The following LUZP2 variants were observed in gnomAD, a reference collection of about 807,000 sequenced individuals.
The protein encoded by LUZP2 is leucine zipper protein 2.
Under a neutral mutation model 51.6 loss-of-function variants are expected in LUZP2, and 52 were observed. The ratio of observed to expected loss-of-function variants is 1.01; its 90% CI spans 0.81 to 1.27. LUZP2 has a LOEUF of 1.27. Among genes scored for constraint, LUZP2 ranks in the 50% most tolerant of loss-of-function variants. The probability of loss-of-function intolerance (pLI) is 0.00; values close to 1 mark genes in which losing one functional copy is unlikely to be tolerated. For synonymous variants in LUZP2, 154 were observed against 137.3 expected (o/e 1.12, Z -0.85); for missense variants, 436 against 395.4 (o/e 1.10, Z -0.87).
At chr11:24,710,476 T>G (rs895475759) in intron 1 of LUZP2, among the ~76,000 whole-genome samples, 21 of 152,306 alleles carry the variant, frequency 1.4e-4, no homozygotes, top group Non-Finnish European at 2.6e-4. Flanking sequence ...GGTTTCTGTA[T>G]AGATACATGA....
intron 9 of LUZP2, among the ~76,000 whole-genome samples, chr11:25,024,301 A>G (rs983986600): frequency 1.5e-4 from 23 of 152,148 alleles, no homozygotes; most frequent in Non-Finnish European, 2.9e-4. Context: ...GGCCAGGGCA[A>G]TCAGGCAAGA....
intron 5 of LUZP2, among the ~76,000 whole-genome samples, chr11:24,814,991 C>CAAA (rs61229028): frequency 3.7e-5 from 3 of 80,060 alleles, no homozygotes; most frequent in Non-Finnish European, 7.9e-5. Flanking sequence ...GACTCCGTCT[C>CAAA]AAAAAAAAAA....
rs1158935544 is a variant in LUZP2, at chr11:24,826,190, A to AATATATATATATATAT, written c.396+62886_396+62901dup. On this transcript the variant is annotated intron_variant, in intron 5 of 11. Transcript: ENST00000336930. Reference sequence around the variant, plus strand: ...GACTCCATCTCAAAAAAAAAAAAAAAATATATATATATATATATAGTAAAA... The same window carrying AATATATATATATATAT: ...GACTCCATCTCAAAAAAAAAAAAAAAATATATATATATATATATATATATATATATATATAGTAAAA... Among the ~76,000 whole-genome samples, 79 of 67,518 alleles carry AATATATATATATATAT rather than the reference A, an allele frequency of 1.2e-3. 1 individual carries two copies. The highest frequency in any genetic ancestry group is 9.0e-3 in the East Asian group (16 of 1,774). 44.3% of individuals were successfully genotyped at this position (67,518 alleles called of 152,430 possible).
chr11:24,880,928 A>C (rs1486685), intron 5 of LUZP2, among the ~76,000 whole-genome samples: 73,930 of 151,984 alleles, frequency 0.49, 18,447 homozygotes, highest in East Asian at 0.69. Flanking sequence ...TATCTGTACT[A>C]TGGAAAGCAC....
At chr11:24,497,580 G>A (rs935349723) in intron 1 of LUZP2, among the ~76,000 whole-genome samples, 2 of 152,156 alleles carry the variant, frequency 1.3e-5, no homozygotes, top group Non-Finnish European at 2.9e-5. Flanking sequence ...TTTACCCTCC[G>A]GTCCTATTAG....
At chr11:24,879,934 A>G (rs1244385139) in intron 5 of LUZP2, among the ~76,000 whole-genome samples, 2 of 152,150 alleles carry the variant, frequency 1.3e-5, no homozygotes, top group Non-Finnish European at 2.9e-5. Flanking sequence ...GAGGAATGGC[A>G]CAAGCACTTT....
chr11:24,664,631 G>A (rs879780692), intron 1 of LUZP2, among the ~76,000 whole-genome samples: 1 of 152,160 alleles, frequency 6.6e-6, no homozygotes, highest in Non-Finnish European at 1.5e-5. Flanking sequence ...TCTGGACATG[G>A]TGCCCTGAAT....
chr11:24,895,701 G>T (rs1163749714), intron 5 of LUZP2, among the ~76,000 whole-genome samples: 1 of 152,150 alleles, frequency 6.6e-6, no homozygotes, highest in African/African-American at 2.4e-5. Context: ...CTTCTTTTTA[G>T]GGTTGCATAG....
chr11:24,582,721 T>C (rs538758328), intron 1 of LUZP2, among the ~76,000 whole-genome samples: 1 of 152,078 alleles, frequency 6.6e-6, no homozygotes, highest in East Asian at 1.9e-4. Context: ...CTAGAAGAAA[T>C]GTGTGCCTGG....
chr11:24,904,051 A>G (rs1565085179), intron 5 of LUZP2, among the ~76,000 whole-genome samples: 1 of 152,040 alleles, frequency 6.6e-6, no homozygotes, highest in Non-Finnish European at 1.5e-5. Flanking sequence ...ACACTTCCAT[A>G]CTGTTTTCCG....
At chr11:24,584,091 C>T (rs1454094005) in intron 1 of LUZP2, among the ~76,000 whole-genome samples, 1 of 151,984 alleles carries the variant, frequency 6.6e-6, no homozygotes, top group Non-Finnish European at 1.5e-5. Flanking sequence ...AGAGAGAATG[C>T]CTATCATATT....
chr11:24,717,565 G>A (rs902113193), intron 1 of LUZP2, among the ~76,000 whole-genome samples: 2 of 146,418 alleles, frequency 1.4e-5, no homozygotes, highest in East Asian at 3.9e-4. Context: ...CTGCCACCAC[G>A]CCCGGCTAAT....
At chr11:24,760,167 T>C (rs1859930211) in intron 4 of LUZP2, among the ~76,000 whole-genome samples, 1 of 152,134 alleles carries the variant, frequency 6.6e-6, no homozygotes, top group Non-Finnish European at 1.5e-5. Context: ...GAATCAATAG[T>C]AGGGAGTGTC....
intron 1 of LUZP2, among the ~76,000 whole-genome samples, chr11:24,655,646 A>G (rs1855776375): frequency 6.6e-6 from 1 of 152,248 alleles, no homozygotes; most frequent in South Asian, 2.1e-4. Context: ...TTTATAGATT[A>G]CACAGGACAT....
chr11:24,777,302 T>A (rs1382691159), intron 5 of LUZP2, among the ~76,000 whole-genome samples: 4 of 152,202 alleles, frequency 2.6e-5, no homozygotes, highest in African/African-American at 9.6e-5. Context: ...CTGTAAGTAG[T>A]CTTTACTTAA....
intron 8 of LUZP2, among the ~76,000 whole-genome samples, 193 bp from the exon 9 acceptor site, chr11:24,982,933 G>T (rs1031538846): frequency 6.6e-6 from 1 of 151,736 alleles, no homozygotes; most frequent in East Asian, 1.9e-4. Context: ...ATCATGAAAT[G>T]CATTAGCTCC....
At chr11:24,622,374 C>T (rs926786115) in intron 1 of LUZP2, among the ~76,000 whole-genome samples, 2 of 151,716 alleles carry the variant, frequency 1.3e-5, no homozygotes, top group Non-Finnish European at 2.9e-5. Flanking sequence ...TGGGAACATG[C>T]GGTGTTTGTT....
At chr11:25,027,736 G>C (rs1337782616) in intron 9 of LUZP2, among the ~76,000 whole-genome samples, 1 of 151,970 alleles carries the variant, frequency 6.6e-6, no homozygotes, top group Non-Finnish European at 1.5e-5. Flanking sequence ...CGGGCGTGGT[G>C]GTGGGTGCCT....
chr11:25,029,492 C>T (rs1158243450), intron 9 of LUZP2, among the ~76,000 whole-genome samples: 2 of 152,026 alleles, frequency 1.3e-5, no homozygotes. Flanking sequence ...AATCCCAGTA[C>T]TTTGGGAGGC....
Sources: gnomAD v4.1 joint callset for allele counts (sites outside exome capture counted in the v4.1 genomes callset) on GRCh38, gnomAD v4.1.1 for gene constraint, MANE v1.5 for transcripts, NCBI Gene and HGNC (gene_info 2026-07-23, HGNC 2026-07-21) for gene names.